Variants in CHD2 observed in about 807,000 individuals in gnomAD.
CHD2 encodes the protein ATP-dependent chromatin remodeler CHD2.
Under a neutral mutation model 243.9 loss-of-function variants are expected in CHD2, and 28 were observed. The observed-to-expected ratio is 0.11, with a 90% CI of 0.09 to 0.16. The LOEUF is 0.16. Ranked by LOEUF, CHD2 falls within the 10% of genes least tolerant of loss-of-function variation. The pLI is 1.00. For synonymous variants in CHD2, 775 were observed against 779.0 expected (o/e 0.99, Z 0.09); for missense variants, 1,386 against 2,209.8 (o/e 0.63, Z 7.47).
Position 93,004,704 on chromosome 15 carries a change from A to C in CHD2, c.4366A>C (p.Ile1456Leu). The change falls in exon 34 of 39, where the codon ATT becomes CTT. Residue 1456 changes from isoleucine to leucine, a missense_variant. Ile to Leu is a conservative substitution (Grantham distance 5). Transcript: ENST00000394196. ...HITAGSEPVPIGEDEDDDLDQ... is the reference protein window; with the variant it reads ...HITAGSEPVPLGEDEDDDLDQ... ...TACAGCAGGAAGTGAACCTGTCCCCATTGGAGAGGATGAGGATGATGATCT... is the reference window on the plus strand; with the variant it reads ...TACAGCAGGAAGTGAACCTGTCCCCCTTGGAGAGGATGAGGATGATGATCT... The C allele has an allele frequency of 6.2e-7, 1 of 1,613,754 alleles. No individual in the cohort carries two copies. The highest frequency in any genetic ancestry group is 8.5e-7 in the Non-Finnish European group (1 of 1,179,788).
chr15:93,015,659 T>G (rs963824265), intron 37 of CHD2, among the ~76,000 whole-genome samples: 4 of 152,200 alleles, frequency 2.6e-5, no homozygotes, highest in Admixed American at 1.3e-4. Context: ...GCTCCTTATG[T>G]AGCAGGAAGG....
intron 7 of CHD2, among the ~76,000 whole-genome samples, chr15:92,940,686 A>T (rs1232453371): frequency 6.7e-6 from 1 of 150,338 alleles, no homozygotes; most frequent in Admixed American, 6.7e-5. Flanking sequence ...CTGTAACTGT[A>T]CTACATCCAG....
intron 16 of CHD2, among the ~76,000 whole-genome samples, chr15:92,960,705 G>GTTTTTTTTTTTTTTTTT (rs71467745): frequency 1.9e-5 from 1 of 51,452 alleles, no homozygotes. Flanking sequence ...TCTGTTTGGT[G>GTTTTTTTTTTTTTTTTT]TTTTTTTTTT....
At chr15:92,974,755 C>G (rs1191459628) in intron 19 of CHD2, 124 bp from the exon 20 acceptor site, 1 of 780,942 alleles carries the variant, frequency 1.3e-6, no homozygotes, top group Non-Finnish European at 2.1e-6. Flanking sequence ...TAGCGCTTTG[C>G]CAGTGCTTTG....
At chr15:92,917,820 T>A (rs2052871932) in intron 2 of CHD2, among the ~76,000 whole-genome samples, 1 of 152,220 alleles carries the variant, frequency 6.6e-6, no homozygotes, top group South Asian at 2.1e-4. Flanking sequence ...GGCTTTGTCT[T>A]CTTTATAGGT....
intron 16 of CHD2, among the ~76,000 whole-genome samples, chr15:92,958,261 G>A (rs1189232219): frequency 1.3e-5 from 2 of 152,168 alleles, no homozygotes; most frequent in South Asian, 2.1e-4. Flanking sequence ...TCATCACCAG[G>A]ACTTGGTGCA....
chr15:92,960,700 T>G (rs1247358762), intron 16 of CHD2, among the ~76,000 whole-genome samples: 1 of 146,644 alleles, frequency 6.8e-6, no homozygotes, highest in Non-Finnish European at 1.5e-5. Context: ...TTGCATCTGT[T>G]TGGTGTTTTT....
chr15:92,949,794 C>T (rs932318971), intron 13 of CHD2, among the ~76,000 whole-genome samples: 1 of 152,198 alleles, frequency 6.6e-6, no homozygotes, highest in Non-Finnish European at 1.5e-5. Context: ...GGAATTTTCT[C>T]AGCAAGGCAA....
chr15:92,995,748 G>A (rs2054179585), intron 28 of CHD2, among the ~76,000 whole-genome samples: 1 of 152,106 alleles, frequency 6.6e-6, no homozygotes, highest in African/African-American at 2.4e-5. Flanking sequence ...TCATATCTCT[G>A]CCAGCATATC....
intron 32 of CHD2, 47 bp from the exon 33 acceptor site, chr15:93,002,130 G>C: frequency 1.3e-6 from 2 of 1,564,474 alleles, no homozygotes; most frequent in Non-Finnish European, 1.7e-6. Flanking sequence ...TACATAAGTA[G>C]ATATAAAATT....
At chr15:92,970,656 C>T (rs886218561) in intron 17 of CHD2, among the ~76,000 whole-genome samples, 1 of 152,074 alleles carries the variant, frequency 6.6e-6, no homozygotes, top group African/African-American at 2.4e-5. Flanking sequence ...TTCCTTTTTT[C>T]CTTAATGATA....
At chr15:93,001,261 T>A (rs1044388970) in intron 32 of CHD2, among the ~76,000 whole-genome samples, 29 of 152,206 alleles carry the variant, frequency 1.9e-4, no homozygotes, top group African/African-American at 6.8e-4. Flanking sequence ...AGAGAGCTCA[T>A]GCCTAATGTA....
chr15:92,906,087 T>TG (rs2052616019), intron 2 of CHD2, among the ~76,000 whole-genome samples: 1 of 152,222 alleles, frequency 6.6e-6, no homozygotes, highest in Non-Finnish European at 1.5e-5. Flanking sequence ...ATGCATACCA[T>TG]GATATAACAA....
intron 16 of CHD2, among the ~76,000 whole-genome samples, chr15:92,961,632 G>A (rs945164033): frequency 1.5e-4 from 23 of 152,060 alleles, no homozygotes; most frequent in East Asian, 1.9e-4. Context: ...GGTTGGTCTC[G>A]AACTTCTGGG....
At position 92,942,826 on chromosome 15, in the gene CHD2, A is replaced by T. The variant is rs765907918; in HGVS notation, c.827-17A>T. The T allele has an allele frequency of 2.6e-5, 41 of 1,584,404 alleles. No homozygotes were observed. The highest frequency in any genetic ancestry group is 3.4e-5 in the Non-Finnish European group (40 of 1,165,124). ...GTGTAATATACTCTCTTTCAAGTGT[A>T]CTTAATCCTTTTGCAGCCACTGGAG... On this transcript the variant is annotated splice_polypyrimidine_tract_variant and intron_variant, in intron 8 of 38. Transcript: ENST00000394196.
Position 92,935,420 on chromosome 15 carries a change from A to G in CHD2, c.444-2098A>G, listed in dbSNP as rs182310299. On this transcript the variant is annotated intron_variant, in intron 5 of 38. Coordinates refer to ENST00000394196, the MANE Select transcript of CHD2 (RefSeq NM_001271.4). The stretch of plus-strand genomic sequence containing the variant: ...ATCTGTAATCTAACTGGAAAACTCT[A>G]GCCTCAACACATCCATTCTCTGTGT... Among the ~76,000 whole-genome samples, 11 of 152,282 alleles carry G rather than the reference A, an allele frequency of 7.2e-5. No homozygotes were observed. The East Asian group carries it at 2.1e-3, about 29-fold the overall frequency.
chr15:92,987,774 T>C (rs2054063324), intron 26 of CHD2, among the ~76,000 whole-genome samples: 1 of 151,826 alleles, frequency 6.6e-6, no homozygotes, highest in Non-Finnish European at 1.5e-5. Context: ...ATATGTCATG[T>C]TTTTTTTGTT....
Position 92,985,593 on chromosome 15 carries a change from CAAG to C in CHD2, c.3337_3339del (p.Lys1113del). 1 of 1,614,060 alleles carries C rather than the reference CAAG, an allele frequency of 6.2e-7. No individual in the cohort carries two copies. On this transcript the variant is annotated inframe_deletion, in exon 26 of 39. Transcript: ENST00000394196. ...GTGAAACGGAAGACTCTGATGATGA[CAAG>C]AAGCCAAAGCGCAGAGGGCGTCCGA...
rs780406008 is a variant in CHD2 at position 92,998,554 on chromosome 15, C to T, written c.3941C>T (p.Ala1314Val). The change falls in exon 31 of 39, where the codon GCG becomes GTG. Residue 1314 changes from alanine to valine, a missense_variant. Coordinates refer to ENST00000394196, the MANE Select transcript of CHD2 (RefSeq NM_001271.4). The surrounding 1 kb of genome is among the most constrained non-coding windows in gnomAD (Gnocchi z 5.1). ...KPQGKQLQTR[A>V]DYLLKLLRKG... ...CAGGGGAAGCAGCTACAGACCCGAG[C>T]GGATTACTTGTTGAAGCTGCTCAGA... 5 of 1,613,674 alleles carry T rather than the reference C, an allele frequency of 3.1e-6. No homozygotes were observed. In the South Asian group the frequency reaches 3.3e-5, roughly 11 times the overall value.
Sources: gnomAD v4.1 joint callset for allele counts (sites outside exome capture counted in the v4.1 genomes callset) on GRCh38, gnomAD v4.1.1 for gene constraint, Gnocchi (gnomAD v3.1) non-coding constraint, MANE v1.5 for transcripts, NCBI Gene and HGNC (gene_info 2026-07-23, HGNC 2026-07-21) for gene names.